The following CDK17 variants were observed in gnomAD, a reference collection of about 807,000 sequenced individuals.
CDK17 encodes the protein cyclin dependent kinase 17.
In CDK17, 24 loss-of-function variants were observed where a neutral mutation model predicts 77.6. That is an observed-to-expected ratio of 0.31 (90% confidence interval 0.22 to 0.44). The LOEUF (loss-of-function observed/expected upper bound fraction) is 0.44, where lower values mean the gene tolerates loss of function less well. Among genes scored for constraint, CDK17 ranks in the 20% least tolerant of loss-of-function variants. CDK17 has a pLI of 1.00. For missense variants in CDK17, 429 were observed against 622.5 expected (o/e 0.69, Z 3.31); for synonymous variants, 203 against 210.4 (o/e 0.96, Z 0.30).
At chr12:96,363,676 T>C (rs542071769) in intron 1 of CDK17, among the ~76,000 whole-genome samples, 1 of 151,716 alleles carries the variant, frequency 6.6e-6, no homozygotes, top group East Asian at 1.9e-4. Context: ...TGAAAGCCTG[T>C]CTGTACTAAA....
At chr12:96,285,264 G>A (rs141003553) in intron 13 of CDK17, among the ~76,000 whole-genome samples, 214 of 152,206 alleles carry the variant, frequency 1.4e-3, no homozygotes, top group African/African-American at 5.0e-3. Context: ...AACAATAAGA[G>A]TACCAACTCA....
At chr12:96,298,411 A>AG (rs1314091260) in intron 7 of CDK17, among the ~76,000 whole-genome samples, 1 of 152,140 alleles carries the variant, frequency 6.6e-6, no homozygotes, top group African/African-American at 2.4e-5. Context: ...TTTTTCCTAA[A>AG]TGTTAACTTT....
chr12:96,317,074 A>C (rs1952740524), intron 3 of CDK17, among the ~76,000 whole-genome samples: 1 of 129,978 alleles, frequency 7.7e-6, no homozygotes, highest in Admixed American at 7.9e-5. Flanking sequence ...ATTTAGAAGA[A>C]TGTATAACTA....
chr12:96,353,614 G>GA (rs397739518), intron 1 of CDK17, among the ~76,000 whole-genome samples: 6 of 148,218 alleles, frequency 4.0e-5, no homozygotes, highest in Non-Finnish European at 9.0e-5. Flanking sequence ...GCGGGGGGGG[G>GA]CGCGGGTACA....
At position 96,377,359 on chromosome 12, in the gene CDK17, C is replaced by T. The variant is rs550523274; in HGVS notation, c.-30+22627G>A. Among the ~76,000 whole-genome samples, 7 of 152,228 alleles carry T rather than the reference C, an allele frequency of 4.6e-5. No individual in the cohort carries two copies. The East Asian group carries it at 1.3e-3, about 29-fold the overall frequency. On this transcript the variant is annotated intron_variant, in intron 1 of 16. Coordinates refer to ENST00000261211, the MANE Select transcript of CDK17 (RefSeq NM_002595.5). Reference sequence around the variant, plus strand: ...TAATCTAAAATATACATATTTGCAACCCACATCACAAATAAAGGGCTAATC... The same window carrying T: ...TAATCTAAAATATACATATTTGCAATCCACATCACAAATAAAGGGCTAATC...
At chr12:96,387,094 T>G (rs533280835) in intron 1 of CDK17, 16 of 338,668 alleles carry the variant, frequency 4.7e-5, no homozygotes, top group Non-Finnish European at 7.1e-5. Flanking sequence ...TGTATCACGG[T>G]GACATCCACA....
intron 1 of CDK17, among the ~76,000 whole-genome samples, chr12:96,371,987 G>A (rs887922992): frequency 9.6e-6 from 1 of 103,912 alleles, no homozygotes; most frequent in African/African-American, 3.9e-5. Context: ...GAGAGAGAGA[G>A]ACAGTGTGTG....
chr12:96,335,668 T>C (rs1376274757), intron 1 of CDK17, among the ~76,000 whole-genome samples: 1 of 152,230 alleles, frequency 6.6e-6, no homozygotes, highest in African/African-American at 2.4e-5. Context: ...CACTTTAACA[T>C]CTTTGAAATC....
intron 2 of CDK17, among the ~76,000 whole-genome samples, chr12:96,326,887 AG>A (rs1952898198): frequency 1.3e-5 from 2 of 152,218 alleles, no homozygotes; most frequent in African/African-American, 4.8e-5. Context: ...TCACCATAAA[AG>A]TTTGAATTTT....
At chr12:96,309,467 C>A (rs1468300025) in intron 5 of CDK17, among the ~76,000 whole-genome samples, 1 of 152,134 alleles carries the variant, frequency 6.6e-6, no homozygotes, top group African/African-American at 2.4e-5. Flanking sequence ...TAAACAATCA[C>A]CTGAATTTAC....
intron 1 of CDK17, among the ~76,000 whole-genome samples, chr12:96,368,761 G>C (rs541734575): frequency 7.2e-6 from 1 of 138,454 alleles, no homozygotes; most frequent in East Asian, 2.4e-4. Context: ...AGAAGCATCA[G>C]CTGATTCCTT....
chr12:96,294,905 A>C, intron 10 of CDK17, 94 bp downstream of exon 10: 1 of 1,112,938 alleles, frequency 9.0e-7, no homozygotes, highest in Non-Finnish European at 1.3e-6. Flanking sequence ...CCAAACCCAC[A>C]TAAAAGCAAT....
chr12:96,399,457 C>A (rs1954223651), intron 1 of CDK17: 1 of 152,522 alleles, frequency 6.6e-6, no homozygotes. Flanking sequence ...CGCTCCCCAC[C>A]CGCGCACAGC....
intron 2 of CDK17, among the ~76,000 whole-genome samples, chr12:96,327,239 T>C (rs961155602): frequency 6.6e-6 from 1 of 152,230 alleles, no homozygotes; most frequent in African/African-American, 2.4e-5. Flanking sequence ...ATATAATCTT[T>C]GTAACTTCCT....
At chr12:96,303,035 A>G (rs1472115550) in intron 5 of CDK17, 1 of 152,206 alleles carries the variant, frequency 6.6e-6, no homozygotes, top group African/African-American at 2.4e-5. Context: ...TCAAAACAGT[A>G]CTTACTGAAT....
Position 96,363,449 on chromosome 12 carries a change from CAAA to C in CDK17, c.-29-28587_-29-28585del, listed in dbSNP as rs34143645. 6.5e-3 allele frequency among the ~76,000 whole-genome samples: 721 copies of C among 110,790 alleles called. 3 individuals carry two copies. Among genetic ancestry groups the C allele is most frequent in the Middle Eastern group, 0.018 (4 of 220 alleles). 72.7% of individuals were successfully genotyped at this position (110,790 alleles called of 152,430 possible). ...TGGGCAACAGAGCAAGACTTCGTCTCAAAAAAAAAAAAAAAAAAAAATTAGAGC... is the reference window on the plus strand; with the variant it reads ...TGGGCAACAGAGCAAGACTTCGTCTCAAAAAAAAAAAAAAAAAATTAGAGC... On this transcript the variant is annotated intron_variant, in intron 1 of 16. Transcript: ENST00000261211.
intron 1 of CDK17, among the ~76,000 whole-genome samples, chr12:96,364,524 C>T (rs1320254269): frequency 6.6e-6 from 1 of 152,168 alleles, no homozygotes; most frequent in Non-Finnish European, 1.5e-5. Context: ...TTCCCCCTAT[C>T]CATTTCATTG....
At chr12:96,312,096 G>C (rs1439805934) in intron 4 of CDK17, among the ~76,000 whole-genome samples, 1 of 152,214 alleles carries the variant, frequency 6.6e-6, no homozygotes, top group East Asian at 1.9e-4. Context: ...AGCCAATATG[G>C]TGAAACCCTG....
intron 1 of CDK17, among the ~76,000 whole-genome samples, chr12:96,367,552 G>A (rs1386956004): frequency 1.3e-5 from 2 of 152,044 alleles, no homozygotes; most frequent in Admixed American, 1.3e-4. Flanking sequence ...AGTTATGAAT[G>A]GGAGAAAAGA....
Sources: gnomAD v4.1 joint callset for allele counts (sites outside exome capture counted in the v4.1 genomes callset) on GRCh38, gnomAD v4.1.1 for gene constraint, MANE v1.5 for transcripts, NCBI Gene and HGNC (gene_info 2026-07-23, HGNC 2026-07-21) for gene names.